The following CAMK1D variants were observed in gnomAD, a reference collection of about 807,000 sequenced individuals.
CAMK1D encodes calcium/calmodulin-dependent protein kinase type 1D.
Under a neutral mutation model 47.7 loss-of-function variants are expected in CAMK1D, and 9 were observed. That is an observed-to-expected ratio of 0.19 (90% CI 0.11 to 0.33). CAMK1D has a LOEUF of 0.33. Ranked by LOEUF, CAMK1D falls within the 10% of genes least tolerant of loss-of-function variation. CAMK1D has a pLI of 1.00. For synonymous variants in CAMK1D, 184 were observed against 184.9 expected, an observed-to-expected ratio of 0.99 and a Z score of 0.04; for missense variants, 291 against 488.7, an observed-to-expected ratio of 0.60 and a Z score of 3.81.
chr10:12,455,315 G>GTA (rs1168930113), intron 1 of CAMK1D, among the ~76,000 whole-genome samples: 3 of 152,160 alleles, frequency 2.0e-5, no homozygotes, highest in Non-Finnish European at 4.4e-5. Context: ...GAGACTTCAG[G>GTA]TATGCACCAC....
At chr10:12,727,029 C>A (rs116944135) in intron 3 of CAMK1D, among the ~76,000 whole-genome samples, 1 of 152,228 alleles carries the variant, frequency 6.6e-6, no homozygotes, top group East Asian at 1.9e-4. Flanking sequence ...GCTCCCCTTC[C>A]GCGTTATCCT....
chr10:12,746,657 T>C (rs1272698246), intron 3 of CAMK1D, among the ~76,000 whole-genome samples: 1 of 152,200 alleles, frequency 6.6e-6, no homozygotes, highest in Non-Finnish European at 1.5e-5. Flanking sequence ...TGCCATCTGC[T>C]TTCCCTTCTA....
intron 6 of CAMK1D, among the ~76,000 whole-genome samples, chr10:12,793,937 A>T (rs1255532160): frequency 6.6e-6 from 1 of 152,240 alleles, no homozygotes; most frequent in Admixed American, 6.5e-5. Flanking sequence ...GCAAGAAGTA[A>T]CCTAGTGCCA....
chr10:12,672,858 G>A (rs569083276), intron 3 of CAMK1D, among the ~76,000 whole-genome samples: 1 of 119,028 alleles, frequency 8.4e-6, no homozygotes, highest in East Asian at 2.4e-4. Flanking sequence ...CTATTCTAGA[G>A]TATTTGTATT....
intron 3 of CAMK1D, chr10:12,725,250 T>C (rs1291096438): frequency 6.5e-6 from 1 of 154,232 alleles, no homozygotes; most frequent in Non-Finnish European, 1.5e-5. Flanking sequence ...AATGCATGAA[T>C]CTTAGGTTGG....
At chr10:12,780,082 T>TG (rs1376883022) in intron 5 of CAMK1D, among the ~76,000 whole-genome samples, 16 of 152,300 alleles carry the variant, frequency 1.1e-4, no homozygotes, top group Non-Finnish European at 2.2e-4. Flanking sequence ...TAAAAGGAGA[T>TG]GGAGAACAGT....
chr10:12,600,053 T>C (rs1838255870), intron 2 of CAMK1D, among the ~76,000 whole-genome samples: 1 of 152,146 alleles, frequency 6.6e-6, no homozygotes, highest in South Asian at 2.1e-4. Context: ...TGCAGTGAGC[T>C]ATGATTGTGC....
At chr10:12,575,209 C>T (rs959250729) in intron 2 of CAMK1D, among the ~76,000 whole-genome samples, 1 of 152,198 alleles carries the variant, frequency 6.6e-6, no homozygotes, top group African/African-American at 2.4e-5. Flanking sequence ...TCTCCTGCCT[C>T]AGCCTCGCAA....
intron 3 of CAMK1D, among the ~76,000 whole-genome samples, chr10:12,693,432 A>G (rs1053389240): frequency 2.6e-5 from 4 of 152,018 alleles, no homozygotes; most frequent in Non-Finnish European, 5.9e-5. Context: ...TGGGCAATGT[A>G]GTGAAACCCC....
At chr10:12,495,561 A>G (rs1401176231) in intron 1 of CAMK1D, among the ~76,000 whole-genome samples, 1 of 152,236 alleles carries the variant, frequency 6.6e-6, no homozygotes, top group Non-Finnish European at 1.5e-5. Context: ...GCTCTCTAAG[A>G]AATGCAGAAT....
At chr10:12,373,614 A>T (rs1275999642) in intron 1 of CAMK1D, among the ~76,000 whole-genome samples, 5 of 152,106 alleles carry the variant, frequency 3.3e-5, no homozygotes, top group African/African-American at 1.2e-4. Flanking sequence ...CCCGGGTGAC[A>T]GAGGGAGGCT....
rs567702992 is a variant in CAMK1D, at chr10:12,807,346, A to G, written c.642-6849A>G. ...TGGAAGGCCTAGCACTGATGCGGCCACAAGCGTGGGTTCCTCTCACAGCCT... is the reference window on the plus strand; with the variant it reads ...TGGAAGGCCTAGCACTGATGCGGCCGCAAGCGTGGGTTCCTCTCACAGCCT... On this transcript the variant is annotated intron_variant, in intron 6 of 10. Transcript: ENST00000619168. 9.2e-5 allele frequency among the ~76,000 whole-genome samples: 14 copies of G among 152,324 alleles called. No homozygotes were observed. In the East Asian group the frequency reaches 1.2e-3, roughly 13 times the overall value.
intron 8 of CAMK1D, among the ~76,000 whole-genome samples, chr10:12,823,291 C>A (rs1208488988): frequency 6.6e-6 from 1 of 152,174 alleles, no homozygotes; most frequent in Non-Finnish European, 1.5e-5. Context: ...TGACTCTGAT[C>A]CCCTTAACTT....
intron 2 of CAMK1D, among the ~76,000 whole-genome samples, chr10:12,665,409 A>C (rs1840397886): frequency 6.6e-6 from 1 of 152,232 alleles, no homozygotes. Context: ...TAACTAAATA[A>C]GGTTTCTTGC....
At chr10:12,731,942 C>T (rs1834907247) in intron 3 of CAMK1D, among the ~76,000 whole-genome samples, 1 of 152,026 alleles carries the variant, frequency 6.6e-6, no homozygotes, top group African/African-American at 2.4e-5. Flanking sequence ...GAATTGGACT[C>T]CATTCAAATA....
chr10:12,790,877 T>C (rs1206053938), intron 5 of CAMK1D, among the ~76,000 whole-genome samples: 2 of 151,876 alleles, frequency 1.3e-5, no homozygotes, highest in African/African-American at 2.4e-5. Context: ...GCACCTGTGG[T>C]CCCAATTACT....
At chr10:12,684,485 A>T (rs925170236) in intron 3 of CAMK1D, among the ~76,000 whole-genome samples, 17 of 152,098 alleles carry the variant, frequency 1.1e-4, no homozygotes, top group African/African-American at 4.1e-4. Context: ...CTCAAAGAAG[A>T]TAACTAATTT....
intron 2 of CAMK1D, among the ~76,000 whole-genome samples, chr10:12,558,674 A>T (rs1647423918): frequency 1.3e-5 from 2 of 152,078 alleles, no homozygotes; most frequent in Admixed American, 1.3e-4. Context: ...GGATGCATAG[A>T]TTGGAAAGTG....
intron 1 of CAMK1D, among the ~76,000 whole-genome samples, chr10:12,415,571 A>G (rs551335186): frequency 6.8e-6 from 1 of 147,768 alleles, no homozygotes; most frequent in African/African-American, 2.5e-5. Flanking sequence ...AAGTGCTGGG[A>G]TTACAGGCAT....
Sources: gnomAD v4.1 joint callset for allele counts (sites outside exome capture counted in the v4.1 genomes callset) on GRCh38, gnomAD v4.1.1 for gene constraint, MANE v1.5 for transcripts, NCBI Gene and HGNC (gene_info 2026-07-23, HGNC 2026-07-21) for gene names.